Variants in ADRA1B observed in about 807,000 individuals in gnomAD.
ADRA1B encodes the protein alpha-1B adrenergic receptor.
ADRA1B carries 17 observed loss-of-function variants against 17.9 expected under a neutral mutation model. The ratio of observed to expected loss-of-function variants is 0.95; its 90% CI spans 0.65 to 1.42. The LOEUF (loss-of-function observed/expected upper bound fraction) is 1.42. Among genes scored for constraint, ADRA1B ranks in the 40% most tolerant of loss-of-function variants. ADRA1B has a pLI of 0.00. For synonymous variants in ADRA1B, 366 were observed against 327.6 expected, an observed-to-expected ratio of 1.12 and a Z score of -1.27; for missense variants, 681 against 722.1, an observed-to-expected ratio of 0.94 and a Z score of 0.65.
intron 1 of ADRA1B, among the ~76,000 whole-genome samples, chr5:159,927,381 G>GCACACACACA (rs59807316): frequency 0.085 from 11,968 of 140,548 alleles, 642 homozygotes; most frequent in African/African-American, 0.13. Flanking sequence ...ATTAAAACAT[G>GCACACACACA]CACACACACA....
chr5:159,957,929 C>CAAAAAA (rs35956137), intron 1 of ADRA1B, among the ~76,000 whole-genome samples: 162 of 66,594 alleles, frequency 2.4e-3, no homozygotes, highest in African/African-American at 4.0e-3. Flanking sequence ...AACCCCATCT[C>CAAAAAA]AAAAAAAAAA....
upstream of ADRA1B, chr5:159,916,183 AAGC>A (rs1754297012): frequency 6.6e-6 from 1 of 152,200 alleles, no homozygotes; most frequent in Non-Finnish European, 1.5e-5. Flanking sequence ...TATTAAAGGT[AAGC>A]AGCCCCCAAC....
chr5:159,934,578 G>A (rs1336130264), intron 1 of ADRA1B, among the ~76,000 whole-genome samples: 2 of 152,036 alleles, frequency 1.3e-5, no homozygotes, highest in Non-Finnish European at 2.9e-5. Context: ...TCCGAGGCGG[G>A]CGGATCACTT....
intron 1 of ADRA1B, among the ~76,000 whole-genome samples, chr5:159,889,485 C>T (rs1201878171): frequency 6.6e-6 from 1 of 152,152 alleles, no homozygotes; most frequent in Non-Finnish European, 1.5e-5. Flanking sequence ...AACTCTAGAT[C>T]CCTGACTTGC....
chr5:159,914,024 G>A (rs1194135468), upstream of ADRA1B, among the ~76,000 whole-genome samples: 2 of 152,084 alleles, frequency 1.3e-5, no homozygotes, highest in Non-Finnish European at 2.9e-5. Flanking sequence ...GATACATTGG[G>A]AATGGTGGGA....
chr5:159,981,170 A>G, the ADRA1B span, among the ~76,000 whole-genome samples: 1 of 152,188 alleles, frequency 6.6e-6, no homozygotes. Flanking sequence ...ATAGATACAG[A>G]CATAGATCAA....
intron 1 of ADRA1B, among the ~76,000 whole-genome samples, chr5:159,928,353 CGACTCTATT>C (rs1170483087): frequency 3.3e-5 from 5 of 152,152 alleles, no homozygotes; most frequent in African/African-American, 1.2e-4. Flanking sequence ...TCTGCTCTTA[CGACTCTATT>C]GACAGCACAC....
In ADRA1B at chr5:159,972,503, C is replaced by A; in HGVS notation, c.*11C>A. The A allele has an allele frequency of 1.7e-6, 2 of 1,165,752 alleles. No individual in the cohort carries two copies. Among genetic ancestry groups the A allele is most frequent in the Non-Finnish European group, 2.1e-6 (2 of 932,810 alleles). 72.2% of individuals were successfully genotyped at this position (1,165,752 alleles called of 1,614,324 possible). A position where few individuals can be genotyped will look rare whatever the true frequency, so the allele number is the denominator to read the frequency against. On this transcript the variant is annotated 3_prime_UTR_variant, in exon 2 of 2. Transcript: ENST00000306675. ...CCCGGGCAGTTTTAGGGCCCCCGTG[C>A]GCAGCTTTCTTTCCCTGGGGAGGAA... is the stretch of plus-strand genomic sequence containing the variant.
intron 1 of ADRA1B, among the ~76,000 whole-genome samples, chr5:159,969,353 C>T (rs1755828043): frequency 6.6e-6 from 1 of 152,234 alleles, no homozygotes; most frequent in African/African-American, 2.4e-5. Flanking sequence ...AATTAGGAGT[C>T]AGGCTCCTGT....
intron 1 of ADRA1B, 39 bp downstream of exon 1, chr5:159,917,893 T>C: frequency 6.5e-7 from 1 of 1,539,586 alleles, no homozygotes; most frequent in Non-Finnish European, 8.8e-7. Flanking sequence ...TGGGCATTTT[T>C]GGACCTTGGG....
intron 1 of ADRA1B, among the ~76,000 whole-genome samples, chr5:159,875,688 C>A (rs888133798): frequency 1.5e-4 from 23 of 152,192 alleles, no homozygotes; most frequent in African/African-American, 5.1e-4. Flanking sequence ...AAGGGGCACA[C>A]CCTCTCTAAT....
At chr5:159,945,018 G>T (rs1019407323) in intron 1 of ADRA1B, among the ~76,000 whole-genome samples, 1 of 152,156 alleles carries the variant, frequency 6.6e-6, no homozygotes, top group Admixed American at 6.6e-5. Context: ...GGAGCAGGGT[G>T]GTGATGATCA....
intron 1 of ADRA1B, among the ~76,000 whole-genome samples, chr5:159,891,157 C>T (rs1407571510): frequency 6.6e-6 from 1 of 152,188 alleles, no homozygotes; most frequent in Non-Finnish European, 1.5e-5. Context: ...CAAATGTCAA[C>T]TCAAAAGGGC....
chr5:159,950,897 G>T, intron 1 of ADRA1B: 1 of 572,736 alleles, frequency 1.7e-6, no homozygotes, highest in South Asian at 1.7e-5. Context: ...GTTCTGGAGA[G>T]CCCCGCAGCC....
At chr5:159,865,526 C>T (rs1483560594) in intron 1 of ADRA1B, among the ~76,000 whole-genome samples, 1 of 152,192 alleles carries the variant, frequency 6.6e-6, no homozygotes, top group Non-Finnish European at 1.5e-5. Flanking sequence ...CATTTGTTTC[C>T]AGTTTCTTGT....
At chr5:159,984,944 C>T in the ADRA1B span, among the ~76,000 whole-genome samples, 1 of 151,934 alleles carries the variant, frequency 6.6e-6, no homozygotes, top group South Asian at 2.1e-4. Flanking sequence ...TGAGACTATG[C>T]CTCTGCTGGA....
intron 1 of ADRA1B, among the ~76,000 whole-genome samples, chr5:159,919,961 T>C (rs1754435176): frequency 6.6e-6 from 1 of 152,220 alleles, no homozygotes; most frequent in Non-Finnish European, 1.5e-5. Flanking sequence ...GCTTTGCTTC[T>C]CTAGGCTTCA....
At chr5:159,866,230 C>T (rs977317905) in intron 1 of ADRA1B, among the ~76,000 whole-genome samples, 9 of 149,650 alleles carry the variant, frequency 6.0e-5, no homozygotes, top group South Asian at 2.1e-4. Flanking sequence ...CACTTTAGCC[C>T]GGGAGGTCAA....
chr5:159,926,685 G>A (rs552107727), intron 1 of ADRA1B, among the ~76,000 whole-genome samples: 4 of 152,002 alleles, frequency 2.6e-5, no homozygotes, highest in Admixed American at 6.6e-5. Flanking sequence ...TCGGGAGTTC[G>A]AGACCAGGCT....
Sources: allele counts gnomAD v4.1 joint callset (sites outside exome capture counted in the v4.1 genomes callset), GRCh38; gene constraint gnomAD v4.1.1; transcripts MANE v1.5; gene names NCBI Gene and HGNC (gene_info 2026-07-23, HGNC 2026-07-21).